The following DRC8 variants were observed in gnomAD, a reference collection of about 807,000 sequenced individuals.
The protein encoded by DRC8 is dynein regulatory complex subunit 8, also known as dynein regulatory complex protein 8.
At chr1:245,055,436 C>T in the DRC8 span, among the ~76,000 whole-genome samples, 1 of 152,186 alleles carries the variant, frequency 6.6e-6, no homozygotes, top group Non-Finnish European at 1.5e-5. Flanking sequence ...CCTGCCATCT[C>T]TGTCTCCTGA....
chr1:245,041,820 A>G, the DRC8 span, among the ~76,000 whole-genome samples: 1 of 152,178 alleles, frequency 6.6e-6, no homozygotes, highest in African/African-American at 2.4e-5. Flanking sequence ...GCTCGCGCAC[A>G]GAGGGGTGAC....
the DRC8 span, among the ~76,000 whole-genome samples, chr1:245,117,229 A>AT: frequency 6.6e-6 from 1 of 151,434 alleles, no homozygotes; most frequent in East Asian, 1.9e-4. Context: ...ATTTCTTTGT[A>AT]TTTTAGTAGA....
chr1:245,099,101 G>A, the DRC8 span, among the ~76,000 whole-genome samples: 4 of 152,270 alleles, frequency 2.6e-5, no homozygotes, highest in South Asian at 8.3e-4. Flanking sequence ...GGAGGCCTGG[G>A]GGTTTATGTG....
chr1:245,092,074 C>T, the DRC8 span, among the ~76,000 whole-genome samples: 6 of 152,192 alleles, frequency 3.9e-5, no homozygotes, highest in African/African-American at 1.2e-4. Flanking sequence ...GAGAGTCTGG[C>T]GATCTTGTGC....
the DRC8 span, among the ~76,000 whole-genome samples, chr1:245,058,519 A>C: frequency 6.6e-6 from 1 of 152,214 alleles, no homozygotes; most frequent in Non-Finnish European, 1.5e-5. Flanking sequence ...AGTAAATATA[A>C]TACCACTAAA....
chr1:244,979,290 AT>A, the DRC8 span, among the ~76,000 whole-genome samples: 1 of 49,922 alleles, frequency 2.0e-5, no homozygotes, highest in African/African-American at 8.5e-5. Context: ...ACCGAAGCTT[AT>A]CTTTTTTTTT....
the DRC8 span, among the ~76,000 whole-genome samples, chr1:245,052,517 G>C: frequency 1.3e-5 from 2 of 152,238 alleles, no homozygotes; most frequent in Non-Finnish European, 2.9e-5. Flanking sequence ...ATAAGCCGTG[G>C]TTGATTCCAT....
At chr1:245,026,976 T>G in the DRC8 span, among the ~76,000 whole-genome samples, 1 of 152,188 alleles carries the variant, frequency 6.6e-6, no homozygotes, top group Non-Finnish European at 1.5e-5. Flanking sequence ...AGGAAAAAAA[T>G]TCTGAAGAAA....
the DRC8 span, among the ~76,000 whole-genome samples, chr1:245,023,323 T>C: frequency 1.3e-5 from 2 of 152,240 alleles, no homozygotes; most frequent in Non-Finnish European, 2.9e-5. Flanking sequence ...TTGTGAATAA[T>C]GCTGCTATGA....
the DRC8 span, among the ~76,000 whole-genome samples, chr1:245,001,344 A>G: frequency 1.3e-5 from 2 of 152,244 alleles, no homozygotes; most frequent in East Asian, 3.9e-4. Flanking sequence ...CTCTTTATAA[A>G]TGCCATGTTA....
the DRC8 span, among the ~76,000 whole-genome samples, chr1:245,000,225 G>GTC: frequency 6.6e-6 from 1 of 152,162 alleles, no homozygotes; most frequent in Admixed American, 6.5e-5. Flanking sequence ...TATGTGACTG[G>GTC]TCTCTCTCTC....
chr1:245,064,255 T>G, the DRC8 span, among the ~76,000 whole-genome samples: 2 of 152,172 alleles, frequency 1.3e-5, no homozygotes, highest in Non-Finnish European at 2.9e-5. Context: ...AAGGTCCTCA[T>G]CAGATCCAAG....
the DRC8 span, among the ~76,000 whole-genome samples, chr1:244,991,909 T>TCTGG: frequency 6.6e-6 from 1 of 152,348 alleles, no homozygotes; most frequent in East Asian, 1.9e-4. Flanking sequence ...CAATTGACTG[T>TCTGG]CTGGACTGAT....
the DRC8 span, among the ~76,000 whole-genome samples, chr1:245,052,666 T>G: frequency 6.6e-6 from 1 of 151,968 alleles, no homozygotes; most frequent in African/African-American, 2.4e-5. Context: ...GCTGGGCAGG[T>G]GGAGAAGAAT....
chr1:245,016,510 A>G, the DRC8 span, among the ~76,000 whole-genome samples: 1 of 151,850 alleles, frequency 6.6e-6, no homozygotes, highest in African/African-American at 2.4e-5. Context: ...TCGTGTCCCT[A>G]CCCTGTTTAT....
the DRC8 span, among the ~76,000 whole-genome samples, chr1:245,010,120 C>G: frequency 6.6e-6 from 1 of 152,178 alleles, no homozygotes; most frequent in Non-Finnish European, 1.5e-5. Context: ...CTCGGCCTCC[C>G]AAAGTGCTGG....
chr1:244,991,021 A>G, the DRC8 span, among the ~76,000 whole-genome samples: 5 of 152,150 alleles, frequency 3.3e-5, no homozygotes, highest in African/African-American at 1.2e-4. Context: ...ATTTGGTCCC[A>G]CAAGACCATT....
chr1:245,020,675 A>G, the DRC8 span, among the ~76,000 whole-genome samples: 5 of 136,328 alleles, frequency 3.7e-5, no homozygotes, highest in African/African-American at 1.4e-4. Flanking sequence ...GCTGGAGTGC[A>G]ATGGTGCAAT....
At chr1:245,020,237 T>G in the DRC8 span, among the ~76,000 whole-genome samples, 7 of 152,220 alleles carry the variant, frequency 4.6e-5, no homozygotes, top group Admixed American at 4.6e-4. Flanking sequence ...ATATTTGATT[T>G]GAAATTGTAT....
Sources: allele counts gnomAD v4.1 joint callset (sites outside exome capture counted in the v4.1 genomes callset), GRCh38; gene constraint gnomAD v4.1.1; transcripts MANE v1.5; gene names NCBI Gene and HGNC (gene_info 2026-07-23, HGNC 2026-07-21).